Variants in NF1 observed in about 807,000 individuals in gnomAD.
NF1 encodes neurofibromin.
In NF1, 122 loss-of-function variants were observed where a neutral mutation model predicts 325.7. That is an observed-to-expected ratio of 0.37 (90% CI 0.32 to 0.44). The LOEUF (loss-of-function observed/expected upper bound fraction) is 0.44, where lower values mean the gene tolerates loss of function less well. NF1 is among the 20% of genes least tolerant of loss of function. The pLI, the probability that NF1 is intolerant of heterozygous loss-of-function variation, is 1.00. For missense variants in NF1, 2,140 were observed against 3,415.4 expected, an observed-to-expected ratio of 0.63 and a Z score of 9.31; for synonymous variants, 1,091 against 1,186.0, an observed-to-expected ratio of 0.92 and a Z score of 1.65.
At position 31,112,795 on chromosome 17, in the gene NF1, C is replaced by T. The variant is rs570676795; in HGVS notation, c.60+17426C>T. Among the ~76,000 whole-genome samples, 3 of 152,152 alleles carry T rather than the reference C, an allele frequency of 2.0e-5. No homozygotes were observed. The East Asian group carries it at 5.8e-4, about 29-fold the overall frequency. ...CCACCTTATCAATTAAAAAATAGAT[C>T]ATGTTATTGGTATATCTAAGGTATC... On this transcript the variant is annotated intron_variant, in intron 1 of 57. Transcript: ENST00000358273.
chr17:31,228,363 G>A lies in NF1; in HGVS notation c.2410-662G>A, dbSNP rs79669400. 9.0e-3 allele frequency among the ~76,000 whole-genome samples: 1,372 copies of A among 152,226 alleles called. 20 individuals carry two copies. The highest frequency in any genetic ancestry group is 0.032 in the African/African-American group (1,314 of 41,526). ...TAGGAAAAAGTTATATTTTTACGAA[G>A]CAAATGTGTGTACCTAATACCTTTA... On this transcript the variant is annotated intron_variant, in intron 20 of 57. Coordinates refer to ENST00000358273, the MANE Select transcript of NF1 (RefSeq NM_001042492.3).
chr17:31,149,798 G>A (rs1001878698), intron 1 of NF1, among the ~76,000 whole-genome samples: 5 of 152,140 alleles, frequency 3.3e-5, no homozygotes, highest in Admixed American at 3.3e-4. Flanking sequence ...GATTATGAAG[G>A]AGGAGCTTGA....
At chr17:31,158,985 A>G (rs774621629) in intron 2 of NF1, 25 bp from the exon 3 acceptor site, 3 of 1,417,196 alleles carry the variant, frequency 2.1e-6, no homozygotes, top group Non-Finnish European at 2.0e-6. Context: ...ACTAACTTTT[A>G]TGTTCTGAAT....
chr17:31,104,667 CTG>C (rs976741710), intron 1 of NF1, among the ~76,000 whole-genome samples: 2 of 152,208 alleles, frequency 1.3e-5, no homozygotes, highest in South Asian at 2.1e-4. Flanking sequence ...GTTGTAGTGA[CTG>C]TGAATTAAGT....
intron 36 of NF1, among the ~76,000 whole-genome samples, chr17:31,285,439 G>A (rs950488292): frequency 6.6e-6 from 1 of 152,144 alleles, no homozygotes; most frequent in African/African-American, 2.4e-5. Flanking sequence ...TAATTTTTTG[G>A]AAGTGTTGTC....
chr17:31,118,453 C>T (rs191967541), intron 1 of NF1, among the ~76,000 whole-genome samples: 16 of 152,236 alleles, frequency 1.1e-4, no homozygotes, highest in Admixed American at 5.2e-4. Context: ...ACCCCCACCC[C>T]GCAACAGGCC....
At chr17:31,158,704 A>G (rs1023212990) in intron 2 of NF1, among the ~76,000 whole-genome samples, 1 of 152,112 alleles carries the variant, frequency 6.6e-6, no homozygotes, top group African/African-American at 2.4e-5. Flanking sequence ...CCCCAATTCA[A>G]GATTCTGGTA....
At position 31,336,323 on chromosome 17, in the gene NF1, C is replaced by G. The variant is rs2069667554; in HGVS notation, c.6007-10C>G. The stretch of plus-strand genomic sequence containing the variant: ...TGATTAAAAACATGTTATTTTCCTT[C>G]TTCAACTAGATTACAGATCTGCTTG... On this transcript the variant is annotated splice_polypyrimidine_tract_variant and intron_variant, in intron 40 of 57. Coordinates refer to ENST00000358273, the MANE Select transcript of NF1 (RefSeq NM_001042492.3). The surrounding 1 kb of genome is among the most constrained non-coding windows in gnomAD (Gnocchi z 5.5). The G allele has an allele frequency of 6.2e-7, 1 of 1,613,582 alleles. No homozygotes were observed. Among genetic ancestry groups the G allele is most frequent in the South Asian group, 1.1e-5 (1 of 91,060 alleles).
chr17:31,211,754 G>A (rs1458855738), intron 12 of NF1, among the ~76,000 whole-genome samples: 1 of 152,194 alleles, frequency 6.6e-6, no homozygotes, highest in Non-Finnish European at 1.5e-5. Flanking sequence ...AGAAAAAAAT[G>A]TATAGGACAC....
chr17:31,141,106 A>C (rs1916179689), intron 1 of NF1, among the ~76,000 whole-genome samples: 1 of 152,198 alleles, frequency 6.6e-6, no homozygotes, highest in South Asian at 2.1e-4. Context: ...ACACTTACAC[A>C]CACACACATA....
At chr17:31,199,017 T>C (rs1430183875) in intron 8 of NF1, among the ~76,000 whole-genome samples, 1 of 152,156 alleles carries the variant, frequency 6.6e-6, no homozygotes, top group Non-Finnish European at 1.5e-5. Flanking sequence ...TAGCTAGAGT[T>C]TTGTTGACTT....
chr17:31,205,881 G>T (rs1000365027), intron 11 of NF1, among the ~76,000 whole-genome samples: 11 of 150,672 alleles, frequency 7.3e-5, no homozygotes, highest in African/African-American at 2.7e-4. Flanking sequence ...ACGTGTGCCA[G>T]AAATTGTAAA....
intron 31 of NF1, among the ~76,000 whole-genome samples, chr17:31,257,187 C>A (rs1371343134): frequency 6.6e-6 from 1 of 151,904 alleles, no homozygotes; most frequent in Admixed American, 6.6e-5. Flanking sequence ...CGTGATATTC[C>A]GCATGTAAAT....
At chr17:31,368,725 G>A (rs1286946934) in intron 57 of NF1, among the ~76,000 whole-genome samples, 1 of 152,124 alleles carries the variant, frequency 6.6e-6, no homozygotes, top group African/African-American at 2.4e-5. Flanking sequence ...TATTTTATCT[G>A]TGTGCAAAAA....
intron 4 of NF1, among the ~76,000 whole-genome samples, chr17:31,163,582 T>G (rs923625530): frequency 3.9e-5 from 6 of 152,188 alleles, no homozygotes; most frequent in African/African-American, 1.4e-4. Context: ...TGTCTGGGCT[T>G]GCGTAGAAAT....
chr17:31,203,332 A>C lies in NF1; in HGVS notation c.1260+1847A>C, dbSNP rs1013946. Among the ~76,000 whole-genome samples the C allele has an allele frequency of 0.58, 87,810 of 152,068 alleles. 27,484 individuals are homozygous for C. Among genetic ancestry groups the C allele is most frequent in the Middle Eastern group, 0.79 (232 of 292 alleles). ...TTTATAAAGAAAAAAACTACATTGA[A>C]TAATTTTTAAACATTAAGTATCAGT... On this transcript the variant is annotated intron_variant, in intron 11 of 57. Transcript: ENST00000358273.
chr17:31,344,913 A>C (rs751764311), intron 48 of NF1, among the ~76,000 whole-genome samples: 5 of 152,214 alleles, frequency 3.3e-5, no homozygotes, highest in Admixed American at 2.0e-4. Context: ...GCTTGAAGGC[A>C]GGAGTTCAAG....
At chr17:31,186,980 C>T (rs180997655) in intron 8 of NF1, among the ~76,000 whole-genome samples, 125 of 152,274 alleles carry the variant, frequency 8.2e-4, no homozygotes, top group African/African-American at 2.7e-3. Flanking sequence ...TCTTCCATCA[C>T]GGAAAGGGCA....
intron 20 of NF1, 43 bp downstream of exon 20, chr17:31,227,649 A>G: frequency 6.7e-7 from 1 of 1,489,102 alleles, no homozygotes; most frequent in Non-Finnish European, 9.4e-7. Flanking sequence ...CTGATCTGCT[A>G]AATATATGTA....
Sources: gnomAD v4.1 joint callset for allele counts (sites outside exome capture counted in the v4.1 genomes callset) on GRCh38, gnomAD v4.1.1 for gene constraint, Gnocchi (gnomAD v3.1) non-coding constraint, MANE v1.5 for transcripts, NCBI Gene and HGNC (gene_info 2026-07-23, HGNC 2026-07-21) for gene names.